Variants in PIBF1 observed in about 807,000 individuals in gnomAD.
The protein encoded by PIBF1 is progesterone immunomodulatory binding factor 1, also known as progesterone-induced-blocking factor 1.
Under a neutral mutation model 112.5 loss-of-function variants are expected in PIBF1, and 90 were observed. That is an observed-to-expected ratio of 0.80 (90% CI 0.67 to 0.95). The LOEUF (loss-of-function observed/expected upper bound fraction) is 0.95, where lower values mean the gene tolerates loss of function less well. Ranked by LOEUF, PIBF1 falls within the 40% of genes least tolerant of loss-of-function variation. PIBF1 has a pLI of 0.00. For synonymous variants in PIBF1, 301 were observed against 288.6 expected (o/e 1.04, Z -0.44); for missense variants, 915 against 852.3 (o/e 1.07, Z -0.92).
intron 2 of PIBF1, 145 bp downstream of exon 2, chr13:72,783,866 T>C: frequency 1.2e-6 from 1 of 857,274 alleles, no homozygotes; most frequent in Non-Finnish European, 1.8e-6. Flanking sequence ...AATTTTGGTG[T>C]TCATAGAAGT....
chr13:72,952,615 T>TTA (rs1479732134), intron 14 of PIBF1, among the ~76,000 whole-genome samples: 1 of 146,762 alleles, frequency 6.8e-6, no homozygotes, highest in Non-Finnish European at 1.5e-5. Flanking sequence ...AGGAACTTAT[T>TTA]TATTTCTAAT....
At chr13:72,900,538 G>A (rs1035006511) in intron 11 of PIBF1, among the ~76,000 whole-genome samples, 11 of 152,152 alleles carry the variant, frequency 7.2e-5, no homozygotes, top group Admixed American at 2.0e-4. Flanking sequence ...GGGATAATTA[G>A]CTAGCCACAT....
At chr13:72,786,580 A>G (rs1057332216) in intron 2 of PIBF1, among the ~76,000 whole-genome samples, 2 of 152,140 alleles carry the variant, frequency 1.3e-5, no homozygotes, top group African/African-American at 2.4e-5. Context: ...GTGTGCGTCT[A>G]CCAGTCTTTC....
At chr13:72,800,462 CAT>C (rs747039901) in intron 5 of PIBF1, among the ~76,000 whole-genome samples, 5 of 152,336 alleles carry the variant, frequency 3.3e-5, no homozygotes, top group South Asian at 4.1e-4. Context: ...AATTAAAAGA[CAT>C]AGTTTCTCAT....
Position 72,869,448 on chromosome 13 carries a change from A to T in PIBF1, c.1322+15293A>T, listed in dbSNP as rs144745362. On this transcript the variant is annotated intron_variant, in intron 10 of 17. Transcript: ENST00000326291. ...ACATGGACACAGGAAGGGGAACATC[A>T]CACTCTGGGGACTGTTGTGGGGTGG... is the stretch of plus-strand genomic sequence containing the variant. 8.2e-3 allele frequency among the ~76,000 whole-genome samples: 1,014 copies of T among 123,444 alleles called. 46 individuals carry two copies. The highest frequency in any genetic ancestry group is 0.011 in the East Asian group (39 of 3,462). 81.0% of individuals were successfully genotyped at this position (123,444 alleles called of 152,430 possible). A position where few individuals can be genotyped will look rare whatever the true frequency, so the allele number is the denominator to read the frequency against.
chr13:73,013,577 A>C (rs984749463), intron 17 of PIBF1, among the ~76,000 whole-genome samples: 15 of 151,872 alleles, frequency 9.9e-5, no homozygotes, highest in Non-Finnish European at 2.1e-4. Context: ...TCTCTATAAA[A>C]AATATAAAAA....
At chr13:72,952,035 CTT>C (rs67211238) in intron 14 of PIBF1, among the ~76,000 whole-genome samples, 33,217 of 122,836 alleles carry the variant, frequency 0.27, 4,624 homozygotes, top group East Asian at 0.46. Flanking sequence ...TTTCTTTTCT[CTT>C]TTTTTTTTTT....
In PIBF1 at chr13:72,893,824, G is replaced by A; in HGVS notation, c.1363G>A (p.Glu455Lys). 1 of 1,604,592 alleles carries A rather than the reference G, an allele frequency of 6.2e-7. No individual in the cohort carries two copies. Among genetic ancestry groups the A allele is most frequent in the East Asian group, 2.3e-5 (1 of 44,140 alleles). Residue 455 changes from glutamate to lysine, a missense_variant, in exon 11 of 18, where the codon GAA (glutamate) becomes AAA (lysine). By Grantham distance (56) the Glu-to-Lys change is moderately conservative. Transcript: ENST00000326291. ...ACTTAGTACAGAAAGCAAAGTAACA[G>A]AATTTCTCCATCAAAGTAAATTAAA... ...LQLSTESKVT[E>K]FLHQSKLKSF...
chr13:72,814,454 A>G (rs950401675), intron 5 of PIBF1, among the ~76,000 whole-genome samples: 15 of 149,590 alleles, frequency 1.0e-4, no homozygotes, highest in African/African-American at 3.4e-4. Flanking sequence ...AAAAAAAAAG[A>G]TTGAAAAATA....
intron 16 of PIBF1, among the ~76,000 whole-genome samples, chr13:72,994,382 AT>A (rs1197639419): frequency 3.9e-5 from 6 of 152,226 alleles, no homozygotes; most frequent in Non-Finnish European, 8.8e-5. Context: ...GGGGAAAAAA[AT>A]ATTTGTTGGA....
chr13:72,876,315 C>T (rs1272048925), intron 10 of PIBF1, among the ~76,000 whole-genome samples: 4 of 151,824 alleles, frequency 2.6e-5, no homozygotes, highest in African/African-American at 9.7e-5. Context: ...TTGCCAATAC[C>T]ACACTGTCCT....
intron 9 of PIBF1, among the ~76,000 whole-genome samples, chr13:72,842,026 A>G (rs2037633070): frequency 6.6e-6 from 1 of 152,174 alleles, no homozygotes; most frequent in South Asian, 2.1e-4. Flanking sequence ...TACAAAATAT[A>G]TATTCTTAAG....
intron 11 of PIBF1, among the ~76,000 whole-genome samples, chr13:72,896,127 A>C (rs2040273137): frequency 6.6e-6 from 1 of 152,098 alleles, no homozygotes; most frequent in Non-Finnish European, 1.5e-5. Context: ...TCACATCACA[A>C]GACTGTGCAG....
intron 17 of PIBF1, among the ~76,000 whole-genome samples, chr13:73,010,883 A>G (rs1052873349): frequency 8.8e-6 from 1 of 114,074 alleles, no homozygotes; most frequent in Non-Finnish European, 1.6e-5. Flanking sequence ...GTGGAGTGCA[A>G]TGGTGTGATC....
At chr13:72,946,816 C>T (rs570425724) in intron 14 of PIBF1, among the ~76,000 whole-genome samples, 1 of 152,362 alleles carries the variant, frequency 6.6e-6, no homozygotes, top group South Asian at 2.1e-4. Context: ...GAGGTGGGCT[C>T]CCACGGTCTT....
At chr13:72,790,784 G>A (rs1405750822) in intron 2 of PIBF1, among the ~76,000 whole-genome samples, 1 of 152,014 alleles carries the variant, frequency 6.6e-6, no homozygotes, top group African/African-American at 2.4e-5. Context: ...AAGATAAATA[G>A]GCAGAAAAAA....
At chr13:72,828,152 G>T (rs557730142) in intron 8 of PIBF1, among the ~76,000 whole-genome samples, 1 of 150,778 alleles carries the variant, frequency 6.6e-6, no homozygotes, top group East Asian at 2.0e-4. Context: ...TTAAAACTTT[G>T]TCATTTGGTT....
chr13:72,841,975 C>T (rs1412558814), intron 9 of PIBF1, among the ~76,000 whole-genome samples: 1 of 152,040 alleles, frequency 6.6e-6, no homozygotes, highest in South Asian at 2.1e-4. Context: ...TAAAAGTCAT[C>T]TGATAATATT....
chr13:72,992,280 A>G lies in PIBF1; in HGVS notation c.2050-6542A>G, dbSNP rs1053736625. ...ACTTTTACAGTTTTTGAATTTTACA[A>G]TGAACAAATAATATTTCTATAAATT... On this transcript the variant is annotated intron_variant, in intron 16 of 17. Coordinates refer to ENST00000326291, the MANE Select transcript of PIBF1 (RefSeq NM_006346.4). Among the ~76,000 whole-genome samples the G allele has an allele frequency of 3.9e-5, 6 of 152,256 alleles. No individual in the cohort carries two copies. The East Asian group carries it at 9.6e-4, about 24-fold the overall frequency.
Sources: allele counts gnomAD v4.1 joint callset (sites outside exome capture counted in the v4.1 genomes callset), GRCh38; gene constraint gnomAD v4.1.1; transcripts MANE v1.5; gene names NCBI Gene and HGNC (gene_info 2026-07-23, HGNC 2026-07-21).